The following SP4 variants were observed in gnomAD, a reference collection of about 807,000 sequenced individuals.
SP4 encodes the protein Sp4 transcription factor.
In SP4, 19 loss-of-function variants were observed where a neutral mutation model predicts 72.8. The observed-to-expected ratio is 0.26, with a 90% CI of 0.18 to 0.38. SP4 has a LOEUF of 0.38. SP4 is among the 10% of genes least tolerant of loss of function. The pLI, the probability that SP4 is intolerant of heterozygous loss-of-function variation, is 1.00. For missense variants in SP4, 1,008 were observed against 926.3 expected (o/e 1.09, Z -1.14); for synonymous variants, 395 against 333.1 (o/e 1.19, Z -2.02).
chr7:21,429,790 A>G lies in SP4; in HGVS notation c.625A>G (p.Thr209Ala), dbSNP rs867331000. Residue 209 changes from threonine (T) to alanine (A), a missense_variant, in exon 3 of 6, where the codon ACA (threonine) becomes GCA (alanine). Physicochemically the swap from Thr to Ala is moderately conservative, Grantham distance 58. Transcript: ENST00000222584. ...ISAGNNQAILTAANRTASGNI... is the reference protein window; with the variant it reads ...ISAGNNQAILAAANRTASGNI... Reference sequence around the variant, plus strand: ...TGCAGGTAATAATCAAGCTATACTCACAGCTGCTAACAGGACAGCTTCTGG... The same window carrying G: ...TGCAGGTAATAATCAAGCTATACTCGCAGCTGCTAACAGGACAGCTTCTGG... 6.2e-7 allele frequency: 1 copy of G among 1,614,158 alleles called. No individual in the cohort carries two copies. Among genetic ancestry groups the G allele is most frequent in the South Asian group, 1.1e-5 (1 of 91,088 alleles).
intron 3 of SP4, among the ~76,000 whole-genome samples, chr7:21,457,063 A>T (rs980862359): frequency 6.6e-6 from 1 of 152,234 alleles, no homozygotes; most frequent in African/African-American, 2.4e-5. Context: ...ACTGGGAAAC[A>T]TATCTGAGTC....
chr7:21,510,918 A>G, intron 5 of SP4, 104 bp from the exon 6 acceptor site: 1 of 1,126,806 alleles, frequency 8.9e-7, no homozygotes, highest in South Asian at 1.7e-5. Flanking sequence ...AACTAGTGAA[A>G]CTGTACAAAA....
rs145286007 is a variant in SP4 at position 21,430,777 on chromosome 7, G to A, written c.1612G>A (p.Val538Ile). Residue 538 changes from valine (V) to isoleucine (I), a missense_variant, in exon 3 of 6, where the codon GTT (valine) becomes ATT (isoleucine). Around this residue, in one of 3 missense-constraint regions of SP4, gnomAD observed 893 missense variants for 743.3 expected, o/e 1.20. Coordinates refer to ENST00000222584, the MANE Select transcript of SP4 (RefSeq NM_003112.5). ...AGTGCCTAACCTTCAGACAGTGAGC[G>A]TTGCCAACCTGGGTGCTGCAGGTGT... ...ASVPNLQTVSVANLGAAGVQV... is the reference protein window; with the variant it reads ...ASVPNLQTVSIANLGAAGVQV... The A allele has an allele frequency of 3.7e-6, 6 of 1,614,076 alleles. No individual in the cohort carries two copies. The highest frequency in any genetic ancestry group is 2.2e-5 in the South Asian group (2 of 91,092).
At chr7:21,499,528 G>T (rs1781814195) in intron 5 of SP4, among the ~76,000 whole-genome samples, 3 of 152,300 alleles carry the variant, frequency 2.0e-5, no homozygotes, top group South Asian at 4.1e-4. Flanking sequence ...ATTGCCAGCA[G>T]TCAGCAGAAG....
chr7:21,459,796 A>G (rs1468329194), intron 3 of SP4, among the ~76,000 whole-genome samples: 1 of 152,204 alleles, frequency 6.6e-6, no homozygotes, highest in African/African-American at 2.4e-5. Context: ...TCAACTGCAT[A>G]TCCATTTCTT....
intron 5 of SP4, among the ~76,000 whole-genome samples, chr7:21,488,793 A>G (rs910898760): frequency 6.6e-6 from 1 of 151,988 alleles, no homozygotes; most frequent in Non-Finnish European, 1.5e-5. Context: ...TAACTTGGAA[A>G]TACTATAATG....
chr7:21,465,971 G>T (rs1375659692), intron 3 of SP4, among the ~76,000 whole-genome samples: 1 of 152,040 alleles, frequency 6.6e-6, no homozygotes, highest in Non-Finnish European at 1.5e-5. Flanking sequence ...CTGTCTCAGG[G>T]TTATGTCTTT....
intron 5 of SP4, among the ~76,000 whole-genome samples, chr7:21,500,326 A>G (rs980474569): frequency 2.6e-5 from 4 of 152,204 alleles, no homozygotes; most frequent in African/African-American, 4.8e-5. Flanking sequence ...TTATAAGGTT[A>G]TATCATATGT....
chr7:21,512,409 A>C lies in SP4; in HGVS notation c.*1140A>C, dbSNP rs1782171995. 6.6e-6 allele frequency: 1 copy of C among 152,346 alleles called. No homozygotes were observed. Among genetic ancestry groups the C allele is most frequent in the Non-Finnish European group, 1.5e-5 (1 of 68,014 alleles). The allele number at this position is 152,346 out of a possible 1,614,324, so 9.4% of individuals were successfully genotyped here. ...GTAATGTTTTTATGTTACATCAATA[A>C]CTGAATTTTCCCTAAAAATTAGCCT... On this transcript the variant is annotated 3_prime_UTR_variant, in exon 6 of 6. Coordinates refer to ENST00000222584, the MANE Select transcript of SP4 (RefSeq NM_003112.5).
chr7:21,451,062 G>A (rs1278482853), intron 3 of SP4, among the ~76,000 whole-genome samples: 1 of 152,214 alleles, frequency 6.6e-6, no homozygotes, highest in African/African-American at 2.4e-5. Context: ...GGGTTGGGCT[G>A]TCCAGATGTG....
At chr7:21,485,587 C>A (rs1784792959) in intron 5 of SP4, among the ~76,000 whole-genome samples, 1 of 151,938 alleles carries the variant, frequency 6.6e-6, no homozygotes, top group Admixed American at 6.6e-5. Context: ...TGAGTTCTTG[C>A]ATTTAGAATT....
intron 3 of SP4, among the ~76,000 whole-genome samples, chr7:21,446,072 GGT>G (rs1256249959): frequency 1.4e-5 from 2 of 141,094 alleles, no homozygotes; most frequent in Non-Finnish European, 3.1e-5. Context: ...GTGTGTGTGT[GGT>G]GTGTGCATAC....
intron 5 of SP4, among the ~76,000 whole-genome samples, chr7:21,502,958 C>CT (rs150110883): frequency 5.6e-4 from 86 of 152,238 alleles, no homozygotes; most frequent in African/African-American, 2.0e-3. Context: ...GACCCATGCA[C>CT]TTTCCACTGG....
At chr7:21,471,298 C>T (rs1303538184) in intron 3 of SP4, among the ~76,000 whole-genome samples, 1 of 152,096 alleles carries the variant, frequency 6.6e-6, no homozygotes, top group Non-Finnish European at 1.5e-5. Flanking sequence ...AGGGGCAAAA[C>T]TGGTGATAAG....
At chr7:21,489,292 A>G (rs1384395506) in intron 5 of SP4, among the ~76,000 whole-genome samples, 1 of 152,196 alleles carries the variant, frequency 6.6e-6, no homozygotes, top group Non-Finnish European at 1.5e-5. Flanking sequence ...TGAAACAGAA[A>G]ACTCCATCAA....
intron 3 of SP4, among the ~76,000 whole-genome samples, chr7:21,463,550 G>T (rs77715350): frequency 6.6e-6 from 1 of 152,258 alleles, no homozygotes; most frequent in East Asian, 1.9e-4. Context: ...GAGGAGGGTT[G>T]GATTGAGAGT....
At chr7:21,510,987 A>G in intron 5 of SP4, 35 bp from the exon 6 acceptor site, 1 of 1,555,024 alleles carries the variant, frequency 6.4e-7, no homozygotes, top group Non-Finnish European at 8.7e-7. Flanking sequence ...CTTAAGCAAA[A>G]TGTGTATAAC....
intron 5 of SP4, among the ~76,000 whole-genome samples, chr7:21,491,240 A>G (rs1784970711): frequency 6.6e-6 from 1 of 152,204 alleles, no homozygotes; most frequent in Admixed American, 6.5e-5. Context: ...AACTAAATAG[A>G]AATTTTAGAT....
intron 4 of SP4, among the ~76,000 whole-genome samples, chr7:21,480,357 G>A (rs1784649730): frequency 6.6e-6 from 1 of 152,094 alleles, no homozygotes; most frequent in Non-Finnish European, 1.5e-5. Flanking sequence ...GTCTGTTCTT[G>A]GGCTTTTCTT....
Sources: gnomAD v4.1 joint callset for allele counts (sites outside exome capture counted in the v4.1 genomes callset) on GRCh38, gnomAD v4.1.1 for gene constraint, gnomAD v4.1.1 regional missense constraint, MANE v1.5 for transcripts, NCBI Gene and HGNC (gene_info 2026-07-23, HGNC 2026-07-21) for gene names.